Variants in TENM4 observed in about 807,000 individuals in gnomAD.
TENM4 encodes the protein teneurin-4.
TENM4 carries 82 observed loss-of-function variants against 243.3 expected under a neutral mutation model. That is an observed-to-expected ratio of 0.34 (90% CI 0.28 to 0.40). The LOEUF (loss-of-function observed/expected upper bound fraction) is 0.40. Among genes scored for constraint, TENM4 ranks in the 10% least tolerant of loss-of-function variants. The pLI, the probability that TENM4 is intolerant of heterozygous loss-of-function variation, is 1.00. For synonymous variants in TENM4, 1,412 were observed against 1,456.3 expected, an observed-to-expected ratio of 0.97 and a Z score of 0.69; for missense variants, 3,138 against 3,673.3, an observed-to-expected ratio of 0.85 and a Z score of 3.77.
At chr11:78,948,374 CT>C (rs200520007) in intron 6 of TENM4, among the ~76,000 whole-genome samples, 6,145 of 138,598 alleles carry the variant, frequency 0.044, 136 homozygotes, top group African/African-American at 0.1. Flanking sequence ...TCCCAACTGT[CT>C]TTTTTTTTTT....
At chr11:79,231,728 A>T (rs1864377251) in intron 2 of TENM4, among the ~76,000 whole-genome samples, 1 of 152,220 alleles carries the variant, frequency 6.6e-6, no homozygotes, top group African/African-American at 2.4e-5. Flanking sequence ...CCCAGCTCTG[A>T]AGCCTAAGTT....
intron 1 of TENM4, among the ~76,000 whole-genome samples, chr11:79,409,060 TTG>T (rs559211499): frequency 0.046 from 6,483 of 141,834 alleles, 156 homozygotes; most frequent in East Asian, 0.11. Flanking sequence ...GAGGGATATT[TTG>T]TGTGTGTGTG....
intron 1 of TENM4, among the ~76,000 whole-genome samples, chr11:79,334,088 C>A (rs1857108117): frequency 6.6e-6 from 1 of 152,252 alleles, no homozygotes; most frequent in African/African-American, 2.4e-5. Context: ...TGGCAAACAT[C>A]ATTGACTACC....
chr11:79,111,527 A>G (rs544407177), intron 4 of TENM4, among the ~76,000 whole-genome samples: 5 of 152,338 alleles, frequency 3.3e-5, no homozygotes, highest in Middle Eastern at 3.4e-3. Flanking sequence ...TCTGGGCAAC[A>G]GAGCTAGACT....
intron 6 of TENM4, among the ~76,000 whole-genome samples, chr11:78,973,328 G>A (rs1047730132): frequency 2.0e-5 from 3 of 152,192 alleles, no homozygotes; most frequent in African/African-American, 7.2e-5. Context: ...CCACATCCTT[G>A]TCAACACTTG....
chr11:78,774,898 TA>T, intron 17 of TENM4, among the ~76,000 whole-genome samples: 1 of 152,320 alleles, frequency 6.6e-6, no homozygotes, highest in South Asian at 2.1e-4. Context: ...TCATCTGCCC[TA>T]AAAAATTTTA....
rs528933423 is a variant in TENM4 at position 78,710,894 on chromosome 11, G to A, written c.4054+1588C>T. ...GAACACACATGTGTGGAGAACAACT[G>A]AAAAGCCCTGGAGGGAATAAAAATT... On this transcript the variant is annotated intron_variant, in intron 26 of 33. Coordinates refer to ENST00000278550, the MANE Select transcript of TENM4 (RefSeq NM_001098816.3). Among the ~76,000 whole-genome samples, 64 of 152,296 alleles carry A rather than the reference G, an allele frequency of 4.2e-4. 1 individual carries two copies. The South Asian group carries it at 0.013, about 31-fold the overall frequency.
intron 16 of TENM4, among the ~76,000 whole-genome samples, chr11:78,780,521 G>A (rs940750545): frequency 6.6e-6 from 1 of 152,116 alleles, no homozygotes; most frequent in Non-Finnish European, 1.5e-5. Context: ...GGCTAGGCTG[G>A]ATGAGATGCC....
chr11:78,880,123 A>G (rs1859391946), intron 9 of TENM4, among the ~76,000 whole-genome samples: 2 of 152,292 alleles, frequency 1.3e-5, no homozygotes. Context: ...AAATTCTTCT[A>G]CCTTGGGATG....
intron 29 of TENM4, among the ~76,000 whole-genome samples, chr11:78,687,148 A>C (rs1490714433): frequency 6.6e-6 from 1 of 152,162 alleles, no homozygotes; most frequent in African/African-American, 2.4e-5. Flanking sequence ...CAGTTCACAC[A>C]GGTGGGAACT....
At chr11:79,030,302 G>C (rs1232940780) in intron 6 of TENM4, among the ~76,000 whole-genome samples, 1 of 152,188 alleles carries the variant, frequency 6.6e-6, no homozygotes, top group Non-Finnish European at 1.5e-5. Context: ...AAGAAGTGAA[G>C]GGACCAGCTC....
chr11:79,020,065 C>T (rs1444130764), intron 6 of TENM4, among the ~76,000 whole-genome samples: 1 of 152,176 alleles, frequency 6.6e-6, no homozygotes, highest in Non-Finnish European at 1.5e-5. Flanking sequence ...CAATCCCTTG[C>T]CCTTTCCCAA....
chr11:78,858,143 A>G (rs1290059793), intron 10 of TENM4, among the ~76,000 whole-genome samples: 3 of 152,156 alleles, frequency 2.0e-5, no homozygotes, highest in Non-Finnish European at 4.4e-5. Flanking sequence ...CTGCTGGAGA[A>G]CCCTGCACAG....
chr11:78,863,741 A>G (rs1565412457), intron 9 of TENM4, among the ~76,000 whole-genome samples: 2 of 152,264 alleles, frequency 1.3e-5, no homozygotes, highest in African/African-American at 4.8e-5. Flanking sequence ...GTGTGAGAAT[A>G]TAATGTACAA....
chr11:79,076,087 T>G (rs769774585), intron 4 of TENM4, among the ~76,000 whole-genome samples: 24 of 152,034 alleles, frequency 1.6e-4, no homozygotes, highest in Non-Finnish European at 3.1e-4. Context: ...AGAAGGAGAG[T>G]AGGCCCAGAG....
rs1591270716 is a variant in TENM4, at chr11:79,085,404, T to G, written c.-65-15395A>C. Among the ~76,000 whole-genome samples, 6 of 148,786 alleles carry G rather than the reference T, an allele frequency of 4.0e-5. No homozygotes were observed. In the South Asian group the frequency reaches 6.4e-4, roughly 16 times the overall value. On this transcript the variant is annotated intron_variant, in intron 4 of 33. Coordinates refer to ENST00000278550, the MANE Select transcript of TENM4 (RefSeq NM_001098816.3). ...AAAAAAAAAAGGGGGGTTTTTTTTTTGGGTCAGGCTTTTTTGAGTCAGGCA... is the reference window on the plus strand; with the variant it reads ...AAAAAAAAAAGGGGGGTTTTTTTTTGGGGTCAGGCTTTTTTGAGTCAGGCA...
Position 78,669,268 on chromosome 11 carries a change from A to G in TENM4, c.7077T>C (p.Ala2359=). 6.2e-7 allele frequency: 1 copy of G among 1,613,986 alleles called. No homozygotes were observed. Among genetic ancestry groups the G allele is most frequent in the Non-Finnish European group, 8.5e-7 (1 of 1,179,878 alleles). The change falls in exon 32 of 34, where the codon GCT becomes GCC. Residue 2359 remains alanine, a synonymous_variant. Coordinates refer to ENST00000278550, the MANE Select transcript of TENM4 (RefSeq NM_001098816.3). The surrounding 1 kb of genome is among the most constrained non-coding windows in gnomAD (Gnocchi z 6.4). ...ELSSGDEFYI[A]CDNIGTPLAV... ...CAAGAGGGGTCCCGATGTTGTCACAAGCTATGTAAAACTCATCACCACTGC... is the reference window on the plus strand; with the variant it reads ...CAAGAGGGGTCCCGATGTTGTCACAGGCTATGTAAAACTCATCACCACTGC...
intron 6 of TENM4, among the ~76,000 whole-genome samples, chr11:79,039,264 T>C (rs1043018806): frequency 1.3e-5 from 2 of 152,228 alleles, no homozygotes; most frequent in East Asian, 3.8e-4. Context: ...TGCTGAGTCA[T>C]GCCCACTTGC....
chr11:78,937,141 A>T (rs183721758), intron 6 of TENM4, among the ~76,000 whole-genome samples: 40 of 152,190 alleles, frequency 2.6e-4, no homozygotes, highest in Non-Finnish European at 4.6e-4. Flanking sequence ...CCTTCTGTGC[A>T]TGGGGAAGGG....
Sources: gnomAD v4.1 joint callset for allele counts (sites outside exome capture counted in the v4.1 genomes callset) on GRCh38, gnomAD v4.1.1 for gene constraint, Gnocchi (gnomAD v3.1) non-coding constraint, MANE v1.5 for transcripts, NCBI Gene and HGNC (gene_info 2026-07-23, HGNC 2026-07-21) for gene names.